The following ZNF324B variants were observed in gnomAD, a reference collection of about 807,000 sequenced individuals.
ZNF324B encodes zinc finger protein 324B.
Under a neutral mutation model 10.6 loss-of-function variants are expected in ZNF324B, and 7 were observed. That is an observed-to-expected ratio of 0.66 (90% CI 0.38 to 1.24). The LOEUF (loss-of-function observed/expected upper bound fraction) is 1.24, where lower values mean the gene tolerates loss of function less well. ZNF324B is among the 50% of genes most tolerant of loss of function. The pLI is 0.02. For missense variants in ZNF324B, 640 were observed against 764.7 expected (o/e 0.84, Z 1.92); for synonymous variants, 316 against 321.0 (o/e 0.98, Z 0.17).
Position 58,451,632 on chromosome 19 carries a change from T to C in ZNF324B, c.-79T>C, listed in dbSNP as rs756345660. ...TCCGGCGTTGGGACTGTCACTTGGC[T>C]GCTCGCGTCAGGCCACACCGGTGGT... On this transcript the variant is annotated 5_prime_UTR_variant, in exon 1 of 4. Coordinates refer to ENST00000336614, the MANE Select transcript of ZNF324B (RefSeq NM_207395.3). 1 of 517,404 alleles carries C rather than the reference T, an allele frequency of 1.9e-6. No individual in the cohort carries two copies. The highest frequency in any genetic ancestry group is 1.4e-5 in the South Asian group (1 of 71,574). 32.1% of individuals were successfully genotyped at this position (517,404 alleles called of 1,614,324 possible).
Position 58,456,569 on chromosome 19 carries a change from C to T in ZNF324B, c.1625C>T (p.Ala542Val), listed in dbSNP as rs758507807. Residue 542 changes from alanine (A) to valine (V), a missense_variant, in exon 4 of 4, where the codon GCG becomes GTG. By Grantham distance (64) the Ala-to-Val change is moderately conservative (BLOSUM62 0). Around this residue, in one of 3 missense-constraint regions of ZNF324B, gnomAD observed 238 missense variants for 258.0 expected, o/e 0.92. Transcript: ENST00000336614. This position sits in a 1 kb window ranked among gnomAD's most constrained non-coding sequence, Gnocchi z 4.7. ...AAGCCAAGCCCAGTCCTGAAGCCAG[C>T]GAAGGTCTGAGGTCACAGGTCGCAG... Reference protein sequence around the residue: ...GGKPSPVLKPAKV With the variant: ...GGKPSPVLKPVKV 8 of 1,613,318 alleles carry T rather than the reference C, an allele frequency of 5.0e-6. No individual in the cohort carries two copies. The highest frequency in any genetic ancestry group is 6.8e-6 in the Non-Finnish European group (8 of 1,179,590).
In ZNF324B at chr19:58,456,310, G is replaced by A. The variant is rs773043219; in HGVS notation, c.1366G>A (p.Val456Met). 13 of 1,612,758 alleles carry A rather than the reference G, an allele frequency of 8.1e-6. No homozygotes were observed. Among genetic ancestry groups the A allele is most frequent in the Admixed American group, 1.7e-5 (1 of 59,992 alleles). The change falls in exon 4 of 4, where the codon GTG becomes ATG. Residue 456 changes from valine (V) to methionine (M), a missense_variant. This residue lies in a region of ZNF324B where 238 missense variants were observed against 258.0 expected (regional missense o/e 0.92). Coordinates refer to ENST00000336614, the MANE Select transcript of ZNF324B (RefSeq NM_207395.3). The surrounding 1 kb of genome is among the most constrained non-coding windows in gnomAD (Gnocchi z 4.7). Reference protein sequence around the residue: ...LHTGERPFRCVDCGKGFAKGA... With the variant: ...LHTGERPFRCMDCGKGFAKGA... Reference sequence around the variant, plus strand: ...CACGGGCGAGCGGCCCTTCCGCTGCGTGGACTGTGGCAAGGGTTTCGCCAA... The same window carrying A: ...CACGGGCGAGCGGCCCTTCCGCTGCATGGACTGTGGCAAGGGTTTCGCCAA...
At chr19:58,439,110 C>T in the ZNF324B span, among the ~76,000 whole-genome samples, 2 of 152,144 alleles carry the variant, frequency 1.3e-5, no homozygotes, top group African/African-American at 2.4e-5. Flanking sequence ...CTTTCACTGT[C>T]CCACATCAGG....
the ZNF324B span, chr19:58,434,155 G>A: frequency 3.7e-6 from 6 of 1,614,122 alleles, no homozygotes; most frequent in Admixed American, 1.7e-5. Flanking sequence ...GCATTCATAC[G>A]GTCTTTCTCC....
chr19:58,435,122 G>A, the ZNF324B span: 8 of 1,614,002 alleles, frequency 5.0e-6, no homozygotes, highest in Non-Finnish European at 5.9e-6. Flanking sequence ...TTGGTGGAAG[G>A]ATCTGCATTA....
At chr19:58,452,741 G>A (rs1272085140) in intron 1 of ZNF324B, 3 of 757,094 alleles carry the variant, frequency 4.0e-6, no homozygotes, top group Non-Finnish European at 4.8e-6. Flanking sequence ...CTGGACTGAA[G>A]AAGGCGATGA....
upstream of ZNF324B, among the ~76,000 whole-genome samples, chr19:58,447,560 C>T (rs903455224): frequency 2.0e-5 from 3 of 152,176 alleles, no homozygotes; most frequent in Non-Finnish European, 2.9e-5. Flanking sequence ...AGAAGTTAAA[C>T]GTCTCCAAAC....
rs1335301927 is a variant in ZNF324B at position 58,454,011 on chromosome 19, A to G, written c.121+189A>G. 2.6e-5 allele frequency among the ~76,000 whole-genome samples: 4 copies of G among 152,182 alleles called. No individual in the cohort carries two copies. In the East Asian group the frequency reaches 7.7e-4, roughly 29 times the overall value. The stretch of plus-strand genomic sequence containing the variant: ...GCCCTGTCCAGCTGTGGCCTCTCTC[A>G]TGCCTGGGCTCAGTCCCGTTGCTTT... On this transcript the variant is annotated intron_variant, in intron 2 of 3. Coordinates refer to ENST00000336614, the MANE Select transcript of ZNF324B (RefSeq NM_207395.3).
At chr19:58,451,111 C>T (rs1179769137), upstream of ZNF324B, among the ~76,000 whole-genome samples, 2 of 152,158 alleles carry the variant, frequency 1.3e-5, no homozygotes, top group Non-Finnish European at 2.9e-5. Context: ...GAAAAACGGA[C>T]CTTAAACCTT....
At chr19:58,438,773 ATTTTT>A in the ZNF324B span, among the ~76,000 whole-genome samples, 1 of 106,468 alleles carries the variant, frequency 9.4e-6, no homozygotes, top group African/African-American at 3.6e-5. Flanking sequence ...ACGCCCGGCA[ATTTTT>A]TTTTTTTTTT....
chr19:58,429,218 A>C, the ZNF324B span: 1 of 152,244 alleles, frequency 6.6e-6, no homozygotes. Context: ...AATTGTTTCA[A>C]ACCACCTCAC....
the ZNF324B span, chr19:58,445,618 C>G: frequency 2.4e-6 from 1 of 409,578 alleles, no homozygotes. Context: ...GAGTTTGAGA[C>G]CAACCTGGCT....
chr19:58,434,794 T>C, the ZNF324B span: 1 of 1,614,230 alleles, frequency 6.2e-7, no homozygotes, highest in South Asian at 1.1e-5. Context: ...ATATGGCTTC[T>C]GCCCACTGTC....
At chr19:58,421,424 A>C in the ZNF324B span, among the ~76,000 whole-genome samples, 3 of 152,058 alleles carry the variant, frequency 2.0e-5, no homozygotes, top group Non-Finnish European at 2.9e-5. Flanking sequence ...TTTGAGACGG[A>C]GTCTCCCCGT....
intron 1 of ZNF324B, among the ~76,000 whole-genome samples, chr19:58,453,483 G>A (rs2052881946): frequency 6.6e-6 from 1 of 152,204 alleles, no homozygotes; most frequent in Non-Finnish European, 1.5e-5. Flanking sequence ...GGGGTGGCCA[G>A]TGGGGAAGTC....
At chr19:58,434,147 A>G in the ZNF324B span, 1 of 1,613,968 alleles carries the variant, frequency 6.2e-7, no homozygotes, top group Admixed American at 1.7e-5. Flanking sequence ...CATTCACTGC[A>G]TTCATACGGT....
upstream of ZNF324B, among the ~76,000 whole-genome samples, chr19:58,450,444 AAG>A (rs2052847470): frequency 6.7e-6 from 1 of 149,312 alleles, no homozygotes; most frequent in South Asian, 2.1e-4. Flanking sequence ...CATCCTGGGT[AAG>A]AGAGTGAGAC....
At chr19:58,423,492 C>A in the ZNF324B span, among the ~76,000 whole-genome samples, 1 of 152,134 alleles carries the variant, frequency 6.6e-6, no homozygotes, top group East Asian at 1.9e-4. Flanking sequence ...GACCATACTG[C>A]CCAAAGCAAG....
upstream of ZNF324B, among the ~76,000 whole-genome samples, chr19:58,446,720 C>T (rs11671113): frequency 0.56 from 84,608 of 150,298 alleles, 25,219 homozygotes; most frequent in African/African-American, 0.78. Context: ...GGAATTACAG[C>T]CACACACCAC....
Sources: gnomAD v4.1 joint callset for allele counts (sites outside exome capture counted in the v4.1 genomes callset) on GRCh38, gnomAD v4.1.1 for gene constraint, gnomAD v4.1.1 regional missense constraint, Gnocchi (gnomAD v3.1) non-coding constraint, MANE v1.5 for transcripts, NCBI Gene and HGNC (gene_info 2026-07-23, HGNC 2026-07-21) for gene names.